C1orf53: variants seen among roughly 807,000 people sequenced by gnomAD.
C1orf53 encodes the protein uncharacterized protein C1orf53.
A neutral mutation model predicts 17.5 loss-of-function variants in C1orf53; 23 were observed. The ratio of observed to expected loss-of-function variants is 1.31; its 90% CI spans 0.94 to 1.86. The LOEUF (loss-of-function observed/expected upper bound fraction) is 1.86. Ranked by LOEUF, C1orf53 falls within the 40% of genes most tolerant of loss-of-function variation. The pLI, the probability that C1orf53 is intolerant of heterozygous loss-of-function variation, is 0.00. For synonymous variants in C1orf53, 108 were observed against 81.9 expected, an observed-to-expected ratio of 1.32 and a Z score of -1.72; for missense variants, 255 against 193.2, an observed-to-expected ratio of 1.32 and a Z score of -1.89.
Position 197,902,820 on chromosome 1 carries a change from C to G in C1orf53, c.171C>G (p.Pro57=). 6.4e-7 allele frequency: 1 copy of G among 1,571,362 alleles called. No individual in the cohort carries two copies. The highest frequency in any genetic ancestry group is 8.6e-7 in the Non-Finnish European group (1 of 1,166,372). ...GNCGGSAPST[P]GRPERAARPS... ...GCGGCGGCTCCGCGCCCAGCACGCC[C>G]GGTAGGCCGGAGAGAGCGGCGAGGC... Residue 57 remains proline, a synonymous_variant, in exon 1 of 3, where the codon CCC becomes CCG. Transcript: ENST00000367393.
chr1:197,904,574 G>A (rs1179842224), intron 1 of C1orf53, among the ~76,000 whole-genome samples: 3 of 152,076 alleles, frequency 2.0e-5, no homozygotes, highest in Non-Finnish European at 2.9e-5. Context: ...CCTGACAATC[G>A]GTCATTCTAA....
At chr1:197,906,303 G>A (rs1659522953) in intron 2 of C1orf53, among the ~76,000 whole-genome samples, 1 of 152,100 alleles carries the variant, frequency 6.6e-6, no homozygotes. Context: ...TGAGAGGTAG[G>A]TTTCCTTCAG....
chr1:197,902,708 C>T lies in C1orf53; in HGVS notation c.59C>T (p.Ala20Val), dbSNP rs764816683. 1 of 1,526,076 alleles carries T rather than the reference C, an allele frequency of 6.6e-7. No homozygotes were observed. Among genetic ancestry groups the T allele is most frequent in the East Asian group, 2.7e-5 (1 of 37,660 alleles). 94.5% of individuals were successfully genotyped at this position (1,526,076 alleles called of 1,614,324 possible). A position where few individuals can be genotyped will look rare whatever the true frequency, so the allele number is the denominator to read the frequency against. ...TGAALCRQPS[A>V]APPPAPLWVR... ...GCCGCGCTCTGCAGGCAACCTTCCG[C>T]CGCCCCGCCGCCAGCACCTCTCTGG... The change falls in exon 1 of 3, where the codon GCC becomes GTC. Residue 20 changes from alanine (A) to valine (V), a missense_variant. By Grantham distance (64) the Ala-to-Val change is moderately conservative. Transcript: ENST00000367393.
intron 1 of C1orf53, among the ~76,000 whole-genome samples, chr1:197,903,525 G>T (rs1659472628): frequency 6.6e-6 from 1 of 152,022 alleles, no homozygotes; most frequent in African/African-American, 2.4e-5. Flanking sequence ...CTCCCTTTAC[G>T]CCTTCTAACA....
At chr1:197,906,581 C>T (rs922948704) in intron 2 of C1orf53, among the ~76,000 whole-genome samples, 4 of 152,154 alleles carry the variant, frequency 2.6e-5, no homozygotes, top group African/African-American at 9.7e-5. Context: ...CCTCTCCTTC[C>T]TTATTATAAG....
At chr1:197,903,287 G>A (rs1162256637) in intron 1 of C1orf53, among the ~76,000 whole-genome samples, 1 of 152,182 alleles carries the variant, frequency 6.6e-6, no homozygotes, top group Non-Finnish European at 1.5e-5. Flanking sequence ...AAAATGTGTT[G>A]TGTGTTTTTC....
In C1orf53 at chr1:197,902,819, C is replaced by A; in HGVS notation, c.170C>A (p.Pro57His). The A allele has an allele frequency of 1.3e-6, 2 of 1,571,660 alleles. No individual in the cohort carries two copies. Among genetic ancestry groups the A allele is most frequent in the Non-Finnish European group, 1.7e-6 (2 of 1,166,528 alleles). Residue 57 changes from proline to histidine, a missense_variant, in exon 1 of 3, where the codon CCC becomes CAC. Transcript: ENST00000367393. ...GNCGGSAPST[P>H]GRPERAARPS... ...TGCGGCGGCTCCGCGCCCAGCACGCCCGGTAGGCCGGAGAGAGCGGCGAGG... is the reference window on the plus strand; with the variant it reads ...TGCGGCGGCTCCGCGCCCAGCACGCACGGTAGGCCGGAGAGAGCGGCGAGG...
At chr1:197,906,021 C>G (rs1659519357) in intron 2 of C1orf53, 124 bp downstream of exon 2, 3 of 713,070 alleles carry the variant, frequency 4.2e-6, no homozygotes, top group Non-Finnish European at 4.9e-6. Flanking sequence ...TTTTCACAAG[C>G]TACTTTAGCC....
At position 197,905,746 on chromosome 1, in the gene C1orf53, A is replaced by G. The variant is rs181264157; in HGVS notation, c.265-50A>G. On this transcript the variant is annotated intron_variant, in intron 1 of 2. Coordinates refer to ENST00000367393, the MANE Select transcript of C1orf53 (RefSeq NM_001024594.3). ...TATGTGTAGACATTATGGTGAAGAG[A>G]TATGATGAATATTGAGATTAATGAA... 3.3e-6 allele frequency: 4 copies of G among 1,201,102 alleles called. No individual in the cohort carries two copies. The Admixed American group carries it at 5.1e-5, about 15-fold the overall frequency. The allele number at this position is 1,201,102 out of a possible 1,614,324, so 74.4% of individuals were successfully genotyped here. A position where few individuals can be genotyped will look rare whatever the true frequency, so the allele number is the denominator to read the frequency against.
At chr1:197,906,834 C>G (rs1453806767) in intron 2 of C1orf53, among the ~76,000 whole-genome samples, 2 of 152,176 alleles carry the variant, frequency 1.3e-5, no homozygotes, top group Admixed American at 1.3e-4. Context: ...TATGTATGTT[C>G]CTGTGCCCTT....
Position 197,905,797 on chromosome 1 carries a change from C to T in C1orf53, c.266C>T (p.Ala89Val), listed in dbSNP as rs1407915673. The stretch of plus-strand genomic sequence containing the variant: ...TTGTTTCATTTTATTGCACTTCAGG[C>T]TGGCCAGCTAAACTATGTGGATCCA... ...IAELHAAACA[A>V]GQLNYVDPAT... Residue 89 changes from alanine to valine, a missense_variant and splice_region_variant, in exon 2 of 3, where the codon GCT becomes GTT. By Grantham distance (64) the Ala-to-Val change is moderately conservative. Coordinates refer to ENST00000367393, the MANE Select transcript of C1orf53 (RefSeq NM_001024594.3). 6.2e-7 allele frequency: 1 copy of T among 1,607,820 alleles called. No individual in the cohort carries two copies. The highest frequency in any genetic ancestry group is 1.3e-5 in the African/African-American group (1 of 74,884).
At position 197,907,262 on chromosome 1, in the gene C1orf53, TA is replaced by T. The variant is rs750194752; in HGVS notation, c.*48del. 1 of 1,185,740 alleles carries T rather than the reference TA, an allele frequency of 8.4e-7. No homozygotes were observed. Among genetic ancestry groups the T allele is most frequent in the Non-Finnish European group, 1.2e-6 (1 of 819,438 alleles). The allele number at this position is 1,185,740 out of a possible 1,614,324, so 73.5% of individuals were successfully genotyped here. On this transcript the variant is annotated 3_prime_UTR_variant, in exon 3 of 3. Transcript: ENST00000367393. ...GTTCCCTAACTGTGCTTGTATTTTT[TA>T]AAAAATAAAGCCCCAATTCAGAATT...
chr1:197,903,005 C>A, intron 1 of C1orf53, 92 bp downstream of exon 1: 1 of 1,196,040 alleles, frequency 8.4e-7, no homozygotes, highest in Non-Finnish European at 1.1e-6. Flanking sequence ...CCGGAGGCCG[C>A]CCGGCAGAGG....
At chr1:197,906,872 C>A (rs1383854249) in intron 2 of C1orf53, among the ~76,000 whole-genome samples, 3 of 152,136 alleles carry the variant, frequency 2.0e-5, no homozygotes, top group African/African-American at 7.2e-5. Context: ...TGCATAAGAG[C>A]TTTTTGTAAA....
At position 197,907,158 on chromosome 1, in the gene C1orf53, GGTCAA is replaced by G. The variant is rs1170675658; in HGVS notation, c.382_386del (p.Val128CysfsTer2). On this transcript the variant is annotated frameshift_variant, in exon 3 of 3. Transcript: ENST00000367393. LOFTEE classifies it high-confidence loss of function. Reference sequence around the variant, plus strand: ...TTTATTTCTTCTGCAGTGTCCATATGGTCAAGTCAATGTTAAAGATCCATCTAAAA... The same window carrying G: ...TTTATTTCTTCTGCAGTGTCCATATGGTCAATGTTAAAGATCCATCTAAAA... 1 of 1,567,146 alleles carries G rather than the reference GGTCAA, an allele frequency of 6.4e-7. No individual in the cohort carries two copies. Among genetic ancestry groups the G allele is most frequent in the Non-Finnish European group, 8.7e-7 (1 of 1,146,766 alleles).
At chr1:197,904,126 CT>C (rs926428375) in intron 1 of C1orf53, among the ~76,000 whole-genome samples, 2 of 152,176 alleles carry the variant, frequency 1.3e-5, no homozygotes, top group African/African-American at 4.8e-5. Flanking sequence ...AAATAACAAG[CT>C]GCTTGTTTTT....
rs1557965929 is a variant in C1orf53, at chr1:197,907,347, T to C, written c.*127T>C. 2.0e-6 allele frequency: 1 copy of C among 491,146 alleles called. No homozygotes were observed. The highest frequency in any genetic ancestry group is 3.6e-6 in the Non-Finnish European group (1 of 275,520). The allele number at this position is 491,146 out of a possible 1,614,324, so 30.4% of individuals were successfully genotyped here. A position where few individuals can be genotyped will look rare whatever the true frequency, so the allele number is the denominator to read the frequency against. The stretch of plus-strand genomic sequence containing the variant: ...CCTAAATACATATATTAAAAGAACA[T>C]CAATAAAATGAAAAAGCTAACAAAT... On this transcript the variant is annotated 3_prime_UTR_variant, in exon 3 of 3. Coordinates refer to ENST00000367393, the MANE Select transcript of C1orf53 (RefSeq NM_001024594.3).
intron 1 of C1orf53, among the ~76,000 whole-genome samples, chr1:197,903,445 A>G (rs937902423): frequency 2.0e-5 from 3 of 152,214 alleles, no homozygotes; most frequent in African/African-American, 7.2e-5. Context: ...TGGCATTTGT[A>G]GACACTCAGC....
chr1:197,906,865 A>G (rs1015223856), intron 2 of C1orf53, among the ~76,000 whole-genome samples: 1 of 152,238 alleles, frequency 6.6e-6, no homozygotes, highest in Non-Finnish European at 1.5e-5. Flanking sequence ...AATCAAATGC[A>G]TAAGAGCTTT....
Sources: gnomAD v4.1 joint callset for allele counts (sites outside exome capture counted in the v4.1 genomes callset) on GRCh38, gnomAD v4.1.1 for gene constraint, MANE v1.5 for transcripts, NCBI Gene and HGNC (gene_info 2026-07-23, HGNC 2026-07-21) for gene names.